Variants in ARMH4 observed in about 807,000 individuals in gnomAD.
ARMH4 encodes the protein armadillo-like helical domain-containing protein 4.
Under a neutral mutation model 61.9 loss-of-function variants are expected in ARMH4, and 49 were observed. The ratio of observed to expected loss-of-function variants is 0.79; its 90% CI spans 0.63 to 1.00. ARMH4 has a LOEUF of 1.00. ARMH4 is among the 50% of genes least tolerant of loss of function. The probability of loss-of-function intolerance (pLI) is 0.00; values close to 1 mark genes in which losing one functional copy is unlikely to be tolerated. For missense variants in ARMH4, 934 were observed against 930.0 expected (o/e 1.00, Z -0.06); for synonymous variants, 368 against 341.5 (o/e 1.08, Z -0.85).
At chr14:58,007,199 G>C (rs537886938) in intron 6 of ARMH4, among the ~76,000 whole-genome samples, 4 of 152,278 alleles carry the variant, frequency 2.6e-5, no homozygotes, top group African/African-American at 9.6e-5. Flanking sequence ...AGGTCAACTT[G>C]ATCAGCCTCT....
chr14:58,115,747 T>C (rs1448934196), intron 4 of ARMH4, among the ~76,000 whole-genome samples: 2 of 152,060 alleles, frequency 1.3e-5, no homozygotes, highest in African/African-American at 4.8e-5. Flanking sequence ...AAAAAATCAT[T>C]TCCTATGCCA....
chr14:58,131,275 C>T, intron 4 of ARMH4: 1 of 453,582 alleles, frequency 2.2e-6, no homozygotes, highest in Non-Finnish European at 3.9e-6. Context: ...TTCTATGTCA[C>T]AAAATATTAT....
intron 5 of ARMH4, among the ~76,000 whole-genome samples, chr14:58,019,028 C>CAAAT (rs144053814): frequency 0.063 from 9,597 of 152,170 alleles, 394 homozygotes; most frequent in African/African-American, 0.11. Flanking sequence ...CACAGAAAGA[C>CAAAT]AAATATCGCA....
chr14:58,123,499 C>A (rs1311680083), intron 4 of ARMH4, among the ~76,000 whole-genome samples: 2 of 152,056 alleles, frequency 1.3e-5, no homozygotes, highest in Non-Finnish European at 2.9e-5. Flanking sequence ...GTACAGAAAC[C>A]CAGCAGACAG....
chr14:58,145,401 T>C (rs1203219282), intron 1 of ARMH4, among the ~76,000 whole-genome samples: 1 of 152,218 alleles, frequency 6.6e-6, no homozygotes, highest in Non-Finnish European at 1.5e-5. Flanking sequence ...ATTCCTATAA[T>C]GTTGCCATCA....
intron 1 of ARMH4, among the ~76,000 whole-genome samples, chr14:58,145,283 T>G (rs573795931): frequency 8.5e-4 from 129 of 152,356 alleles, no homozygotes; most frequent in African/African-American, 2.9e-3. Context: ...CAGTTTCTCC[T>G]TTGACAAAAT....
intron 5 of ARMH4, among the ~76,000 whole-genome samples, chr14:58,088,497 C>T (rs995840139): frequency 2.6e-5 from 4 of 151,722 alleles, no homozygotes; most frequent in Admixed American, 6.6e-5. Context: ...CTTTGCTTCT[C>T]TTGTCTAGGA....
chr14:58,080,961 G>T (rs1885204836), intron 5 of ARMH4, among the ~76,000 whole-genome samples: 1 of 151,978 alleles, frequency 6.6e-6, no homozygotes, highest in South Asian at 2.1e-4. Context: ...AATTAGCCAG[G>T]TGTGGTGGTG....
chr14:58,032,279 C>T (rs1354787206), intron 5 of ARMH4, among the ~76,000 whole-genome samples: 2 of 152,092 alleles, frequency 1.3e-5, no homozygotes, highest in African/African-American at 4.8e-5. Flanking sequence ...TCATCTTCTA[C>T]CATAATATAT....
At chr14:58,131,177 C>A in intron 4 of ARMH4, 1 of 212,890 alleles carries the variant, frequency 4.7e-6, no homozygotes, top group Non-Finnish European at 9.4e-6. Context: ...GGCACAAAAG[C>A]AGCCACACAC....
intron 5 of ARMH4, among the ~76,000 whole-genome samples, chr14:58,043,345 G>A (rs1883797687): frequency 6.6e-6 from 1 of 151,952 alleles, no homozygotes; most frequent in African/African-American, 2.4e-5. Flanking sequence ...CAGAACCAAT[G>A]ACAAAAACCA....
intron 5 of ARMH4, among the ~76,000 whole-genome samples, chr14:58,081,951 A>G (rs1004392434): frequency 2.6e-5 from 4 of 152,164 alleles, no homozygotes; most frequent in African/African-American, 7.2e-5. Context: ...AAGGGAAAAA[A>G]AAAAACCTTA....
chr14:58,139,768 T>C (rs565713803), intron 1 of ARMH4, among the ~76,000 whole-genome samples: 7 of 152,374 alleles, frequency 4.6e-5, no homozygotes, highest in Admixed American at 1.3e-4. Flanking sequence ...ACTGTAGAAA[T>C]AGCAACATGT....
At chr14:58,028,274 G>A (rs1883091393) in intron 5 of ARMH4, among the ~76,000 whole-genome samples, 1 of 152,134 alleles carries the variant, frequency 6.6e-6, no homozygotes, top group South Asian at 2.1e-4. Flanking sequence ...TTTTACCCAT[G>A]GGAATCCTGT....
intron 5 of ARMH4, among the ~76,000 whole-genome samples, chr14:58,059,551 G>C (rs1249185202): frequency 2.0e-5 from 3 of 152,158 alleles, no homozygotes; most frequent in African/African-American, 7.2e-5. Flanking sequence ...CCTGTGGATA[G>C]GGTTTCAAAT....
chr14:58,143,111 T>C (rs1486581217), intron 1 of ARMH4, among the ~76,000 whole-genome samples: 1 of 152,202 alleles, frequency 6.6e-6, no homozygotes, highest in African/African-American at 2.4e-5. Flanking sequence ...CCCAAATTCA[T>C]GATGCATAGA....
rs1302693882 is a variant in ARMH4, at chr14:58,133,203, GGA to G, written c.1506_1507del (p.Pro503CysfsTer3). On this transcript the variant is annotated frameshift_variant, in exon 3 of 8. Coordinates refer to ENST00000267485, the MANE Select transcript of ARMH4 (RefSeq NM_001001872.4). LOFTEE classifies it high-confidence loss of function. The stretch of plus-strand genomic sequence containing the variant: ...AGTAACACCAGGAACGTCAGACACA[GGA>G]GAGGGGTCCTCCTTTTCTTCCTCAG... 6.2e-7 allele frequency: 1 copy of G among 1,614,060 alleles called. No homozygotes were observed. Among genetic ancestry groups the G allele is most frequent in the Admixed American group, 1.7e-5 (1 of 60,012 alleles).
intron 5 of ARMH4, among the ~76,000 whole-genome samples, chr14:58,027,635 C>T (rs949031158): frequency 6.2e-5 from 9 of 144,762 alleles, no homozygotes; most frequent in African/African-American, 2.2e-4. Context: ...TACACAGTTA[C>T]CTGTGTGTGT....
At chr14:58,061,233 T>C (rs538334362) in intron 5 of ARMH4, among the ~76,000 whole-genome samples, 5 of 152,266 alleles carry the variant, frequency 3.3e-5, no homozygotes, top group African/African-American at 9.6e-5. Context: ...TTTCAACCAA[T>C]TGCCAAGTCT....
Sources: gnomAD v4.1 joint callset for allele counts (sites outside exome capture counted in the v4.1 genomes callset) on GRCh38, gnomAD v4.1.1 for gene constraint, MANE v1.5 for transcripts, NCBI Gene and HGNC (gene_info 2026-07-23, HGNC 2026-07-21) for gene names.